PDGFRB: variants seen among roughly 807,000 people sequenced by gnomAD.
The protein encoded by PDGFRB is platelet-derived growth factor receptor beta.
In PDGFRB, 42 loss-of-function variants were observed where a neutral mutation model predicts 120.2. That is an observed-to-expected ratio of 0.35 (90% CI 0.27 to 0.45). The LOEUF (loss-of-function observed/expected upper bound fraction) is 0.45, where lower values mean the gene tolerates loss of function less well. Ranked by LOEUF, PDGFRB falls within the 20% of genes least tolerant of loss-of-function variation. The probability of loss-of-function intolerance (pLI) is 1.00; values close to 1 mark genes in which losing one functional copy is unlikely to be tolerated. For synonymous variants in PDGFRB, 586 were observed against 606.8 expected, an observed-to-expected ratio of 0.97 and a Z score of 0.50; for missense variants, 1,149 against 1,476.3, an observed-to-expected ratio of 0.78 and a Z score of 3.63.
At chr5:150,117,470 T>C in intron 22 of PDGFRB, 148 bp downstream of exon 22, 2 of 570,340 alleles carry the variant, frequency 3.5e-6, no homozygotes, top group South Asian at 2.4e-5. Flanking sequence ...CTGTCTTCTA[T>C]TCATTGGTAG....
intron 22 of PDGFRB, 148 bp from the exon 23 acceptor site, chr5:150,116,094 C>A: frequency 3.1e-6 from 2 of 637,352 alleles, no homozygotes; most frequent in East Asian, 3.2e-5. Flanking sequence ...CTATGCAAGG[C>A]CTGCACCGTG....
intron 1 of PDGFRB, among the ~76,000 whole-genome samples, chr5:150,148,772 T>C (rs148553425): frequency 1.3e-5 from 2 of 152,338 alleles, no homozygotes; most frequent in African/African-American, 4.8e-5. Context: ...CAACAGTATA[T>C]GATTACTCCA....
In PDGFRB at chr5:150,124,833, T is replaced by C. The variant is rs1301248545; in HGVS notation, c.1808-2A>G. The C allele has an allele frequency of 6.4e-7, 1 of 1,556,100 alleles. No homozygotes were observed. The highest frequency in any genetic ancestry group is 8.8e-7 in the Non-Finnish European group (1 of 1,135,298). ...AGGCCCCAGAGCCGAGGGTGCGTCC[T>C]GGTGCAGAGATGATCCATTAGCTCC... On this transcript the variant is annotated splice_acceptor_variant, in intron 12 of 22. Coordinates refer to ENST00000261799, the MANE Select transcript of PDGFRB (RefSeq NM_002609.4). LOFTEE classifies it high-confidence loss of function.
intron 9 of PDGFRB, 91 bp from the exon 10 acceptor site, chr5:150,130,059 G>A: frequency 9.8e-7 from 1 of 1,019,840 alleles, no homozygotes; most frequent in Non-Finnish European, 1.5e-6. Context: ...GGCAGGACGT[G>A]TCCAGTTCCT....
chr5:150,144,537 G>C (rs1362525986), intron 1 of PDGFRB, among the ~76,000 whole-genome samples: 1 of 152,262 alleles, frequency 6.6e-6, no homozygotes, highest in Non-Finnish European at 1.5e-5. Flanking sequence ...AATGGGGCCA[G>C]GCTGATAAAG....
chr5:150,136,588 C>T (rs1344948652), intron 2 of PDGFRB, among the ~76,000 whole-genome samples: 1 of 152,116 alleles, frequency 6.6e-6, no homozygotes, highest in Non-Finnish European at 1.5e-5. Context: ...CGCTCAGCCC[C>T]TGCAGAGCTG....
intron 10 of PDGFRB, among the ~76,000 whole-genome samples, chr5:150,128,043 C>A (rs139417064): frequency 1.2e-3 from 187 of 152,212 alleles, no homozygotes; most frequent in Non-Finnish European, 2.0e-3. Context: ...CCCAGACCAA[C>A]ATCCCTCTTC....
intron 10 of PDGFRB, among the ~76,000 whole-genome samples, chr5:150,128,788 C>T (rs1760367886): frequency 6.6e-6 from 1 of 152,170 alleles, no homozygotes; most frequent in African/African-American, 2.4e-5. Flanking sequence ...TGTGGTGATC[C>T]CGGAGGGAAT....
intron 1 of PDGFRB, among the ~76,000 whole-genome samples, chr5:150,150,908 C>T (rs1420304027): frequency 6.6e-6 from 1 of 152,160 alleles, no homozygotes; most frequent in Admixed American, 6.5e-5. Flanking sequence ...ACAGCATCCA[C>T]ACACAGCCCC....
At chr5:150,145,412 CT>C (rs769570208) in intron 1 of PDGFRB, among the ~76,000 whole-genome samples, 1 of 152,240 alleles carries the variant, frequency 6.6e-6, no homozygotes, top group Non-Finnish European at 1.5e-5. Flanking sequence ...CCCCAGCCCC[CT>C]CATTGTTCAA....
intron 21 of PDGFRB, among the ~76,000 whole-genome samples, chr5:150,118,436 T>C (rs1760032676): frequency 6.6e-6 from 1 of 152,156 alleles, no homozygotes. Context: ...TTCACACTTC[T>C]GAAGGAGCCC....
intron 12 of PDGFRB, 130 bp from the exon 13 acceptor site, chr5:150,124,961 A>G (rs915980353): frequency 4.2e-5 from 24 of 567,110 alleles, no homozygotes; most frequent in Non-Finnish European, 7.1e-5. Context: ...GGAAAGAGCC[A>G]CTCTCTTAGG....
chr5:150,123,253 TTCA>T, intron 14 of PDGFRB, 52 bp from the exon 15 acceptor site: 6 of 1,451,190 alleles, frequency 4.1e-6, no homozygotes, highest in Non-Finnish European at 3.8e-6. Context: ...CAGGCGTCCC[TTCA>T]AGGCCATGAG....
At chr5:150,123,243 C>G in intron 14 of PDGFRB, 42 bp from the exon 15 acceptor site, 3 of 1,531,504 alleles carry the variant, frequency 2.0e-6, no homozygotes, top group Non-Finnish European at 2.7e-6. Flanking sequence ...ATGGAGGCCT[C>G]AGGCGTCCCT....
At chr5:150,122,990 C>T (rs375580108) in intron 15 of PDGFRB, 52 bp downstream of exon 15, 105 of 1,507,684 alleles carry the variant, frequency 7.0e-5, no homozygotes, top group African/African-American at 4.0e-4. Flanking sequence ...GGGGAAGGAG[C>T]GGTGCTCCTC....
At chr5:150,130,501 C>CT (rs1760432526) in intron 9 of PDGFRB, 38 bp downstream of exon 9, 3 of 1,599,002 alleles carry the variant, frequency 1.9e-6, no homozygotes, top group Non-Finnish European at 1.7e-6. Flanking sequence ...TTCTAGCCAG[C>CT]TGGGGACACT....
At position 150,114,435 on chromosome 5, in the gene PDGFRB, G is replaced by A. The variant is rs1420605774; in HGVS notation, c.*1328C>T. 8.6e-6 allele frequency: 2 copies of A among 233,362 alleles called. No individual in the cohort carries two copies. Among genetic ancestry groups the A allele is most frequent in the East Asian group, 6.0e-5 (1 of 16,586 alleles). The allele number at this position is 233,362 out of a possible 1,614,324, so 14.5% of individuals were successfully genotyped here. On this transcript the variant is annotated 3_prime_UTR_variant, in exon 23 of 23. Coordinates refer to ENST00000261799, the MANE Select transcript of PDGFRB (RefSeq NM_002609.4). ...GTGCTGGAGTGGTGGGCTGCAGGAGGTGATCTCATTTGCCCTCTTTGTCCC... is the reference window on the plus strand; with the variant it reads ...GTGCTGGAGTGGTGGGCTGCAGGAGATGATCTCATTTGCCCTCTTTGTCCC...
intron 21 of PDGFRB, 85 bp from the exon 22 acceptor site, chr5:150,117,935 C>G (rs1415066115): frequency 9.2e-6 from 7 of 758,220 alleles, no homozygotes; most frequent in Non-Finnish European, 1.6e-5. Context: ...AGCCCATCCC[C>G]CTTTGTATAA....
At position 150,120,225 on chromosome 5, in the gene PDGFRB, A is replaced by G. The variant is rs1171425675; in HGVS notation, c.2587-102T>C. On this transcript the variant is annotated intron_variant, in intron 18 of 22. Coordinates refer to ENST00000261799, the MANE Select transcript of PDGFRB (RefSeq NM_002609.4). The surrounding 1 kb of genome is among the most constrained non-coding windows in gnomAD (Gnocchi z 4.3). ...TATCTGGCAGCTCCCACCCACAACC[A>G]CTTCTCCGTCCCATTCCCTGTGAGG... 1.4e-6 allele frequency: 1 copy of G among 694,126 alleles called. No homozygotes were observed. Among genetic ancestry groups the G allele is most frequent in the East Asian group, 2.6e-5 (1 of 37,974 alleles). The allele number at this position is 694,126 out of a possible 1,614,324, so 43.0% of individuals were successfully genotyped here.
Sources: allele counts gnomAD v4.1 joint callset (sites outside exome capture counted in the v4.1 genomes callset), GRCh38; gene constraint gnomAD v4.1.1; non-coding constraint Gnocchi (gnomAD v3.1); transcripts MANE v1.5; gene names NCBI Gene and HGNC (gene_info 2026-07-23, HGNC 2026-07-21).